Variants in FSTL5 observed in about 807,000 individuals in gnomAD.
The protein encoded by FSTL5 is follistatin like 5, also known as follistatin-related protein 5.
Under a neutral mutation model 89.1 loss-of-function variants are expected in FSTL5, and 62 were observed. The observed-to-expected ratio is 0.70, with a 90% CI of 0.57 to 0.86. FSTL5 has a LOEUF of 0.86. Ranked by LOEUF, FSTL5 falls within the 40% of genes least tolerant of loss-of-function variation. FSTL5 has a pLI of 0.00. For synonymous variants in FSTL5, 383 were observed against 346.2 expected, an observed-to-expected ratio of 1.11 and a Z score of -1.18; for missense variants, 1,057 against 1,001.6, an observed-to-expected ratio of 1.06 and a Z score of -0.75.
At chr4:161,726,331 A>G (rs1162519238) in intron 6 of FSTL5, among the ~76,000 whole-genome samples, 1 of 149,672 alleles carries the variant, frequency 6.7e-6, no homozygotes, top group Non-Finnish European at 1.5e-5. Flanking sequence ...GGTTCAAGCA[A>G]TTCTCCTGTG....
chr4:161,813,286 C>T (rs935056401), intron 4 of FSTL5, among the ~76,000 whole-genome samples: 3 of 152,074 alleles, frequency 2.0e-5, no homozygotes, highest in African/African-American at 4.8e-5. Context: ...GCCTTGGCCT[C>T]CCAAAGTGCT....
intron 4 of FSTL5, among the ~76,000 whole-genome samples, chr4:161,888,119 A>G (rs1315179497): frequency 6.6e-6 from 1 of 152,174 alleles, no homozygotes; most frequent in African/African-American, 2.4e-5. Flanking sequence ...AGAGACTAAT[A>G]CATTTCCCAA....
At chr4:161,967,851 TATC>T (rs1160425080) in intron 3 of FSTL5, among the ~76,000 whole-genome samples, 2 of 152,046 alleles carry the variant, frequency 1.3e-5, no homozygotes, top group African/African-American at 4.8e-5. Context: ...GAATCTCAAA[TATC>T]ATAATTAAAG....
At chr4:161,631,339 C>A (rs1287435066) in intron 7 of FSTL5, among the ~76,000 whole-genome samples, 1 of 152,082 alleles carries the variant, frequency 6.6e-6, no homozygotes, top group African/African-American at 2.4e-5. Context: ...ATAATTCATG[C>A]GGCCCGGCAC....
intron 7 of FSTL5, among the ~76,000 whole-genome samples, chr4:161,639,096 G>A (rs1735846126): frequency 6.6e-6 from 1 of 151,926 alleles, no homozygotes; most frequent in African/African-American, 2.4e-5. Context: ...CACAAGACAG[G>A]GATGCCCTCT....
At chr4:161,654,468 G>C (rs1288715798) in intron 7 of FSTL5, among the ~76,000 whole-genome samples, 1 of 152,090 alleles carries the variant, frequency 6.6e-6, no homozygotes, top group Non-Finnish European at 1.5e-5. Flanking sequence ...AAATGCACCT[G>C]AGATATGTGC....
chr4:161,605,893 A>T (rs1734422566), intron 7 of FSTL5, among the ~76,000 whole-genome samples: 3 of 152,208 alleles, frequency 2.0e-5, no homozygotes, highest in African/African-American at 7.2e-5. Flanking sequence ...GTGTTAATTT[A>T]TCTGGCTAAA....
At position 161,428,809 on chromosome 4, in the gene FSTL5, C is replaced by A. The variant is rs76684662; in HGVS notation, c.1841+26195G>T. Among the ~76,000 whole-genome samples the A allele has an allele frequency of 2.0e-5, 3 of 152,100 alleles. No homozygotes were observed. The South Asian group carries it at 6.2e-4, about 32-fold the overall frequency. Reference sequence around the variant, plus strand: ...ACGAAGCACATTCCCAGCTGTGGTGCCTACAGGGAGAGACTACTTATGCTT... The same window carrying A: ...ACGAAGCACATTCCCAGCTGTGGTGACTACAGGGAGAGACTACTTATGCTT... On this transcript the variant is annotated intron_variant, in intron 15 of 15. Transcript: ENST00000306100.
At chr4:161,548,997 T>C (rs890015628) in intron 8 of FSTL5, among the ~76,000 whole-genome samples, 1 of 151,890 alleles carries the variant, frequency 6.6e-6, no homozygotes, top group Non-Finnish European at 1.5e-5. Flanking sequence ...TAGTTCTGGA[T>C]GGCTGAATTT....
chr4:162,035,123 T>G (rs2111202270), intron 2 of FSTL5: 1 of 152,236 alleles, frequency 6.6e-6, no homozygotes, highest in South Asian at 2.1e-4. Context: ...TCTCCTCTAT[T>G]AACATTCATT....
At chr4:161,399,210 T>C (rs1008956442) in intron 15 of FSTL5, among the ~76,000 whole-genome samples, 1 of 152,094 alleles carries the variant, frequency 6.6e-6, no homozygotes, top group African/African-American at 2.4e-5. Flanking sequence ...ACATAGGGGA[T>C]AGTGGCACTG....
At chr4:162,106,647 G>GA (rs1033088629) in intron 2 of FSTL5, among the ~76,000 whole-genome samples, 43 of 152,218 alleles carry the variant, frequency 2.8e-4, no homozygotes, top group Non-Finnish European at 5.4e-4. Context: ...GAATAGAAAT[G>GA]AAACAGGGAG....
At chr4:161,998,357 T>C (rs542228587) in intron 3 of FSTL5, among the ~76,000 whole-genome samples, 1 of 152,230 alleles carries the variant, frequency 6.6e-6, no homozygotes, top group African/African-American at 2.4e-5. Context: ...TCAAAAAAGA[T>C]AGTACCCCTA....
intron 11 of FSTL5, among the ~76,000 whole-genome samples, chr4:161,501,286 A>G (rs983644207): frequency 1.3e-5 from 2 of 152,032 alleles, no homozygotes; most frequent in South Asian, 2.1e-4. Context: ...TGGGCTTTCC[A>G]TCTATTGAGA....
intron 10 of FSTL5, among the ~76,000 whole-genome samples, chr4:161,533,483 T>C (rs1003026675): frequency 2.0e-5 from 3 of 152,100 alleles, no homozygotes; most frequent in Non-Finnish European, 4.4e-5. Flanking sequence ...ATGAAACGTA[T>C]AAATTCTTGG....
intron 7 of FSTL5, among the ~76,000 whole-genome samples, chr4:161,643,930 C>A (rs1578990777): frequency 1.3e-5 from 2 of 152,174 alleles, no homozygotes; most frequent in African/African-American, 4.8e-5. Flanking sequence ...TTGTTATTTG[C>A]ACATTTAAAA....
intron 2 of FSTL5, among the ~76,000 whole-genome samples, chr4:162,092,223 C>T (rs1419118635): frequency 6.6e-6 from 1 of 152,066 alleles, no homozygotes; most frequent in East Asian, 1.9e-4. Flanking sequence ...CAGGCATCTG[C>T]ATGTTTATAT....
chr4:161,608,698 T>A (rs1431394285), intron 7 of FSTL5, among the ~76,000 whole-genome samples: 35 of 152,054 alleles, frequency 2.3e-4, no homozygotes, highest in Admixed American at 2.1e-3. Context: ...CTATAAAATA[T>A]TTTACACCTC....
intron 11 of FSTL5, among the ~76,000 whole-genome samples, chr4:161,507,667 C>T (rs1292760316): frequency 6.6e-6 from 1 of 151,638 alleles, no homozygotes; most frequent in Non-Finnish European, 1.5e-5. Context: ...GAAAGTGGAG[C>T]CCAGAGAAGT....
Sources: gnomAD v4.1 joint callset for allele counts (sites outside exome capture counted in the v4.1 genomes callset) on GRCh38, gnomAD v4.1.1 for gene constraint, MANE v1.5 for transcripts, NCBI Gene and HGNC (gene_info 2026-07-23, HGNC 2026-07-21) for gene names.